The following JRK variants were observed in gnomAD, a reference collection of about 807,000 sequenced individuals.
JRK encodes the protein Jrk helix-turn-helix protein, also known as jerky protein homolog.
For missense variants in JRK, 720 were observed against 509.2 expected (o/e 1.41, Z -3.98); for synonymous variants, 303 against 218.1 (o/e 1.39, Z -3.43).
downstream of JRK, among the ~76,000 whole-genome samples, chr8:142,654,887 G>C (rs1015331768): frequency 1.4e-5 from 2 of 139,328 alleles, no homozygotes; most frequent in African/African-American, 2.5e-5. Flanking sequence ...CCAACTAAGT[G>C]CCTCTCTCAG....
the JRK span, among the ~76,000 whole-genome samples, chr8:142,650,923 G>C: frequency 8.6e-4 from 131 of 152,228 alleles, no homozygotes; most frequent in African/African-American, 3.0e-3. Flanking sequence ...AAATTCTTGG[G>C]GTTCCATAAG....
chr8:142,659,723 T>C lies in JRK; in HGVS notation c.*4629A>G. On this transcript the variant is annotated 3_prime_UTR_variant, in exon 2 of 2. Transcript: ENST00000612905. ...GAGTGTTTTCACCTCTGTTTACAGT[T>C]GAGTGCACTGCTCAAGGTCATGCAG... The C allele has an allele frequency of 1.0e-6, 1 of 985,494 alleles. No individual in the cohort carries two copies. Among genetic ancestry groups the C allele is most frequent in the Non-Finnish European group, 1.2e-6 (1 of 829,960 alleles). 61.0% of individuals were successfully genotyped at this position (985,494 alleles called of 1,614,324 possible). A position where few individuals can be genotyped will look rare whatever the true frequency, so the allele number is the denominator to read the frequency against.
chr8:142,653,637 A>G (rs1242121244), downstream of JRK, among the ~76,000 whole-genome samples: 1 of 152,036 alleles, frequency 6.6e-6, no homozygotes, highest in Non-Finnish European at 1.5e-5. Context: ...TCAGCCTCCC[A>G]AAGTGCTAGG....
At chr8:142,666,971 G>A (rs1026249408) in intron 1 of JRK, among the ~76,000 whole-genome samples, 2 of 152,182 alleles carry the variant, frequency 1.3e-5, no homozygotes, top group Non-Finnish European at 1.5e-5. Flanking sequence ...CCTCCCTGAG[G>A]AGCAGAGGCA....
At chr8:142,651,557 T>TA in the JRK span, among the ~76,000 whole-genome samples, 1 of 52,670 alleles carries the variant, frequency 1.9e-5, no homozygotes, top group African/African-American at 5.0e-5. Context: ...TTTTTTTTTT[T>TA]TTGGTGGGAA....
rs782652336 is a variant in JRK, at chr8:142,663,503, A to G, written c.*849T>C. On this transcript the variant is annotated 3_prime_UTR_variant, in exon 2 of 2. Coordinates refer to ENST00000612905, the MANE Select transcript of JRK (RefSeq NM_003724.4). The stretch of plus-strand genomic sequence containing the variant: ...CTGAATGTCTGATCAAGACGTATTC[A>G]TGTAAAGGCCATAAGTATGAAATTC... The G allele has an allele frequency of 1.3e-5, 13 of 985,388 alleles. No homozygotes were observed. The highest frequency in any genetic ancestry group is 6.1e-5 in the Admixed American group (1 of 16,276). The allele number at this position is 985,388 out of a possible 1,614,324, so 61.0% of individuals were successfully genotyped here.
chr8:142,668,127 A>C (rs1232913454), intron 1 of JRK, among the ~76,000 whole-genome samples: 1 of 152,008 alleles, frequency 6.6e-6, no homozygotes, highest in Non-Finnish European at 1.5e-5. Flanking sequence ...TTGAGGATGG[A>C]CTCCTGGAGT....
Position 142,658,938 on chromosome 8 carries a change from C to T in JRK, c.*5414G>A, listed in dbSNP as rs782039760. 3 of 1,612,996 alleles carry T rather than the reference C, an allele frequency of 1.9e-6. No individual in the cohort carries two copies. The highest frequency in any genetic ancestry group is 3.3e-5 in the Admixed American group (2 of 59,906). On this transcript the variant is annotated 3_prime_UTR_variant, in exon 2 of 2. Coordinates refer to ENST00000612905, the MANE Select transcript of JRK (RefSeq NM_003724.4). ...GTCACTACCACATCCTCAAGGCCCA[C>T]AGTCTCCTGAAACAACAGAACTTTG... is the stretch of plus-strand genomic sequence containing the variant.
At chr8:142,668,404 A>G (rs1445946484) in intron 1 of JRK, among the ~76,000 whole-genome samples, 1 of 152,152 alleles carries the variant, frequency 6.6e-6, no homozygotes, top group Non-Finnish European at 1.5e-5. Context: ...AGGATCCTGC[A>G]TTGTTCGCTG....
Position 142,659,941 on chromosome 8 carries a change from C to G in JRK, c.*4411G>C, listed in dbSNP as rs1846865540. The G allele has an allele frequency of 1.0e-6, 1 of 985,504 alleles. No individual in the cohort carries two copies. The allele number at this position is 985,504 out of a possible 1,614,324, so 61.0% of individuals were successfully genotyped here. Reference sequence around the variant, plus strand: ...CCCTGCAAGGGAAACAACAGATGTGCAAGGTCTGAGGGTCCATGTGTAGAA... The same window carrying G: ...CCCTGCAAGGGAAACAACAGATGTGGAAGGTCTGAGGGTCCATGTGTAGAA... On this transcript the variant is annotated 3_prime_UTR_variant, in exon 2 of 2. Coordinates refer to ENST00000612905, the MANE Select transcript of JRK (RefSeq NM_003724.4).
intron 1 of JRK, among the ~76,000 whole-genome samples, chr8:142,669,696 T>G (rs1473191266): frequency 2.7e-5 from 4 of 149,950 alleles, no homozygotes; most frequent in Non-Finnish European, 4.5e-5. Flanking sequence ...GCCGCGGGGG[T>G]CGCGCGGGAA....
rs1554633853 is a variant in JRK, at chr8:142,657,620, G to A, written c.*6732C>T. On this transcript the variant is annotated 3_prime_UTR_variant, in exon 2 of 2. Transcript: ENST00000612905. ...CATAGCAAGAGCAGGAGGAAGAAGG[G>A]AGGGAGGTGCCACCAGGCTCTTTTT... The A allele has an allele frequency of 6.6e-6, 1 of 152,308 alleles. No individual in the cohort carries two copies. Among genetic ancestry groups the A allele is most frequent in the Non-Finnish European group, 1.5e-5 (1 of 68,110 alleles). 9.4% of individuals were successfully genotyped at this position (152,308 alleles called of 1,614,324 possible).
the JRK span, among the ~76,000 whole-genome samples, chr8:142,648,417 T>C: frequency 6.6e-6 from 1 of 152,238 alleles, no homozygotes; most frequent in Non-Finnish European, 1.5e-5. Flanking sequence ...GTTGCCATAC[T>C]GTGTGCAGCC....
the JRK span, among the ~76,000 whole-genome samples, chr8:142,652,091 G>A: frequency 6.6e-6 from 1 of 152,074 alleles, no homozygotes; most frequent in Non-Finnish European, 1.5e-5. Context: ...TTTGGAGGGG[G>A]TGCTTCCAGG....
chr8:142,662,656 G>A lies in JRK; in HGVS notation c.*1696C>T, dbSNP rs1428170222. ...ACTTCCAGGACATAGATAGGGCTCT[G>A]TCAGCAATGACTTTTGCCCCTGTAT... On this transcript the variant is annotated 3_prime_UTR_variant, in exon 2 of 2. Coordinates refer to ENST00000612905, the MANE Select transcript of JRK (RefSeq NM_003724.4). 2.0e-6 allele frequency: 2 copies of A among 985,304 alleles called. No individual in the cohort carries two copies. The highest frequency in any genetic ancestry group is 2.4e-6 in the Non-Finnish European group (2 of 829,936). The allele number at this position is 985,304 out of a possible 1,614,324, so 61.0% of individuals were successfully genotyped here.
At position 142,659,851 on chromosome 8, in the gene JRK, T is replaced by C; in HGVS notation, c.*4501A>G. On this transcript the variant is annotated 3_prime_UTR_variant, in exon 2 of 2. Coordinates refer to ENST00000612905, the MANE Select transcript of JRK (RefSeq NM_003724.4). ...CCCTCAGCAACTTCACACCTGCCCC[T>C]CCCTGGGCCCCAGTCTCATCCCTAA... is the stretch of plus-strand genomic sequence containing the variant. 1 of 985,544 alleles carries C rather than the reference T, an allele frequency of 1.0e-6. No homozygotes were observed. The highest frequency in any genetic ancestry group is 1.2e-6 in the Non-Finnish European group (1 of 830,018). The allele number at this position is 985,544 out of a possible 1,614,324, so 61.0% of individuals were successfully genotyped here. A position where few individuals can be genotyped will look rare whatever the true frequency, so the allele number is the denominator to read the frequency against.
chr8:142,663,635 T>C lies in JRK; in HGVS notation c.*717A>G. 1 of 985,446 alleles carries C rather than the reference T, an allele frequency of 1.0e-6. No individual in the cohort carries two copies. The highest frequency in any genetic ancestry group is 4.7e-5 in the South Asian group (1 of 21,276). 61.0% of individuals were successfully genotyped at this position (985,446 alleles called of 1,614,324 possible). A position where few individuals can be genotyped will look rare whatever the true frequency, so the allele number is the denominator to read the frequency against. On this transcript the variant is annotated 3_prime_UTR_variant, in exon 2 of 2. Coordinates refer to ENST00000612905, the MANE Select transcript of JRK (RefSeq NM_003724.4). ...AGGGCCTGGTCAGCCACTCCTACTT[T>C]CTTCCCAGAAAGGAACTCTACCAAG...
the JRK span, among the ~76,000 whole-genome samples, chr8:142,647,868 A>C: frequency 6.6e-6 from 1 of 152,250 alleles, no homozygotes; most frequent in Admixed American, 6.5e-5. Context: ...GAAAGTTTGG[A>C]ACTTCCTAGA....
At chr8:142,648,250 G>C in the JRK span, among the ~76,000 whole-genome samples, 1 of 152,266 alleles carries the variant, frequency 6.6e-6, no homozygotes, top group Non-Finnish European at 1.5e-5. Context: ...ATTCAAGCCA[G>C]CTGCAGAAAT....
Sources: allele counts gnomAD v4.1 joint callset (sites outside exome capture counted in the v4.1 genomes callset), GRCh38; gene constraint gnomAD v4.1.1; transcripts MANE v1.5; gene names NCBI Gene and HGNC (gene_info 2026-07-23, HGNC 2026-07-21).